Variants in DOCK7 observed in about 807,000 individuals in gnomAD.
DOCK7 encodes dedicator of cytokinesis protein 7.
DOCK7 carries 138 observed loss-of-function variants against 271.0 expected under a neutral mutation model. The observed-to-expected ratio is 0.51, with a 90% CI of 0.44 to 0.59. DOCK7 has a LOEUF of 0.59. Among genes scored for constraint, DOCK7 ranks in the 20% least tolerant of loss-of-function variants. The pLI, the probability that DOCK7 is intolerant of heterozygous loss-of-function variation, is 0.00. For missense variants in DOCK7, 2,066 were observed against 2,592.4 expected (o/e 0.80, Z 4.41); for synonymous variants, 823 against 876.1 (o/e 0.94, Z 1.07).
chr1:62,612,167 CA>C (rs1024921913), intron 14 of DOCK7, among the ~76,000 whole-genome samples: 1 of 151,752 alleles, frequency 6.6e-6, no homozygotes, highest in Non-Finnish European at 1.5e-5. Context: ...CACAAACACA[CA>C]AAAAAGTCCT....
intron 43 of DOCK7, chr1:62,481,761 A>T (rs1207040493): frequency 6.6e-6 from 1 of 152,140 alleles, no homozygotes; most frequent in African/African-American, 2.4e-5. Flanking sequence ...AATGGTTCAA[A>T]CCTCTTATGA....
At chr1:62,575,221 C>G (rs969469782) in intron 18 of DOCK7, among the ~76,000 whole-genome samples, 1 of 152,012 alleles carries the variant, frequency 6.6e-6, no homozygotes, top group Admixed American at 6.6e-5. Flanking sequence ...AATGAAAAAG[C>G]AAAAATGTCA....
chr1:62,633,539 C>T lies in DOCK7; in HGVS notation c.1075G>A (p.Ala359Thr). The T allele has an allele frequency of 6.2e-7, 1 of 1,613,398 alleles. No homozygotes were observed. The highest frequency in any genetic ancestry group is 8.5e-7 in the Non-Finnish European group (1 of 1,179,686). The change falls in exon 10 of 50, where the codon GCA becomes ACA. Residue 359 changes from alanine (A) to threonine (T), a missense_variant. Physicochemically the swap from Ala to Thr is moderately conservative, Grantham distance 58. This residue lies in a region of DOCK7 where 1,414 missense variants were observed against 1,670.4 expected (regional missense o/e 0.85). Transcript: ENST00000635253. ...TCTTTGAAAATCATATATGGTTCTG[C>T]ACACTCTCCAATGTCTCCTTGCTGT... Reference protein sequence around the residue: ...VLQQGDIGECAEPYMIFKEAD... With the variant: ...VLQQGDIGECTEPYMIFKEAD...
In DOCK7 at chr1:62,510,597, T is replaced by C; in HGVS notation, c.4359A>G (p.Gln1453=). ...ATTACTTGTCAAGCTTCTCTGTGTT[T>C]TGACGCCAGTGAGTCATATCTTTCC... ...RWRKDMTHWR[Q]NTEKLDKSRA... Residue 1453 remains glutamine (Q), a synonymous_variant, in exon 34 of 50, where the codon CAA becomes CAG. Transcript: ENST00000635253. The C allele has an allele frequency of 1.9e-6, 3 of 1,613,414 alleles. No homozygotes were observed. The highest frequency in any genetic ancestry group is 2.5e-6 in the Non-Finnish European group (3 of 1,179,600).
chr1:62,554,404 G>A (rs1571523450), intron 21 of DOCK7, among the ~76,000 whole-genome samples: 4 of 145,002 alleles, frequency 2.8e-5, no homozygotes, highest in South Asian at 2.2e-4. Context: ...CCCGGGAAGC[G>A]GAGCTTGCAG....
chr1:62,686,948 T>G (rs949682848), intron 1 of DOCK7, among the ~76,000 whole-genome samples: 12 of 151,940 alleles, frequency 7.9e-5, no homozygotes, highest in Admixed American at 2.0e-4. Context: ...CTGGCTAATT[T>G]TTTTGCAGAG....
chr1:62,556,094 C>CTTTGCATACTTTA lies in DOCK7; in HGVS notation c.2432-106_2432-105insTAAAGTATGCAAA. On this transcript the variant is annotated intron_variant, in intron 20 of 49. Transcript: ENST00000635253. Reference sequence around the variant, plus strand: ...TCTTTGCATACTTTAAGTATAGTGACTACACAGTAAGTGTATAAAGATGAT... The same window carrying CTTTGCATACTTTA: ...TCTTTGCATACTTTAAGTATAGTGACTTTGCATACTTTATACACAGTAAGTGTATAAAGATGAT... The CTTTGCATACTTTA allele has an allele frequency of 1.1e-5, 12 of 1,127,150 alleles. No individual in the cohort carries two copies. In the South Asian group the frequency reaches 1.6e-4, roughly 15 times the overall value. 69.8% of individuals were successfully genotyped at this position (1,127,150 alleles called of 1,614,324 possible). A position where few individuals can be genotyped will look rare whatever the true frequency, so the allele number is the denominator to read the frequency against.
intron 40 of DOCK7, 47 bp from the exon 41 acceptor site, chr1:62,492,894 G>T: frequency 1.3e-6 from 2 of 1,491,762 alleles, no homozygotes; most frequent in Non-Finnish European, 1.8e-6. Context: ...GAATTTTCTA[G>T]CATAAAAATG....
intron 31 of DOCK7, among the ~76,000 whole-genome samples, chr1:62,527,220 A>T (rs543130393): frequency 6.6e-6 from 1 of 152,290 alleles, no homozygotes; most frequent in African/African-American, 2.4e-5. Context: ...TTAAGAGGGG[A>T]AAAGTTCAGG....
intron 18 of DOCK7, among the ~76,000 whole-genome samples, chr1:62,568,333 C>T (rs1377092108): frequency 2.0e-5 from 3 of 150,460 alleles, no homozygotes; most frequent in African/African-American, 7.3e-5. Context: ...GACAGAGTCT[C>T]GCTGTCACCT....
At chr1:62,455,650 TAC>T (rs1369894361) in intron 49 of DOCK7, among the ~76,000 whole-genome samples, 194 bp from the exon 50 acceptor site, 1 of 152,218 alleles carries the variant, frequency 6.6e-6, no homozygotes, top group Non-Finnish European at 1.5e-5. Context: ...AGAAGTGTAT[TAC>T]AGTCACCACT....
intron 2 of DOCK7, among the ~76,000 whole-genome samples, chr1:62,655,984 A>T (rs1314928995): frequency 1.3e-5 from 2 of 152,066 alleles, no homozygotes; most frequent in Admixed American, 1.3e-4. Flanking sequence ...GAGCTCTAAA[A>T]TTTTTTCTAT....
At chr1:62,527,574 C>T (rs938742498) in intron 31 of DOCK7, among the ~76,000 whole-genome samples, 2 of 151,784 alleles carry the variant, frequency 1.3e-5, no homozygotes, top group Non-Finnish European at 2.9e-5. Context: ...GGGACATGGA[C>T]GTAGGGACAT....
At position 62,619,996 on chromosome 1, in the gene DOCK7, G is replaced by A. The variant is rs762252282; in HGVS notation, c.1426-3C>T. ...TCATCACTTAAGCGGTCTCCTTCCT[G>A]ATTTCAATAATAGAGGAAAAAGTAT... On this transcript the variant is annotated splice_region_variant and splice_polypyrimidine_tract_variant and intron_variant, in intron 12 of 49. Coordinates refer to ENST00000635253, the MANE Select transcript of DOCK7 (RefSeq NM_001367561.1). The A allele has an allele frequency of 6.2e-7, 1 of 1,607,908 alleles. No individual in the cohort carries two copies. The highest frequency in any genetic ancestry group is 1.1e-5 in the South Asian group (1 of 90,458).
At chr1:62,621,571 TC>T (rs2149594138) in intron 12 of DOCK7, among the ~76,000 whole-genome samples, 1 of 152,286 alleles carries the variant, frequency 6.6e-6, no homozygotes, top group South Asian at 2.1e-4. Context: ...ATCATTATAT[TC>T]TAAACAAGGA....
chr1:62,474,964 C>G (rs1645928774), intron 47 of DOCK7, among the ~76,000 whole-genome samples: 1 of 152,140 alleles, frequency 6.6e-6, no homozygotes, highest in Admixed American at 6.6e-5. Flanking sequence ...CAAATATGTA[C>G]ATAGCTCTGA....
At chr1:62,597,382 T>C in intron 14 of DOCK7, 1 of 580,264 alleles carries the variant, frequency 1.7e-6, no homozygotes, top group Non-Finnish European at 3.0e-6. Context: ...CATTTAGCAT[T>C]GATCTAACTC....
intron 14 of DOCK7, chr1:62,602,326 C>G (rs750916252): frequency 6.2e-7 from 1 of 1,610,818 alleles, no homozygotes; most frequent in South Asian, 1.1e-5. Context: ...AGATGGATCA[C>G]AAAACTTCAA....
intron 22 of DOCK7, among the ~76,000 whole-genome samples, chr1:62,549,318 C>T (rs1645815810): frequency 6.6e-6 from 1 of 152,052 alleles, no homozygotes; most frequent in East Asian, 1.9e-4. Flanking sequence ...GTGCTGGTGA[C>T]ACTAACAAGG....
Sources: allele counts gnomAD v4.1 joint callset (sites outside exome capture counted in the v4.1 genomes callset), GRCh38; gene constraint gnomAD v4.1.1; regional missense constraint gnomAD v4.1.1; transcripts MANE v1.5; gene names NCBI Gene and HGNC (gene_info 2026-07-23, HGNC 2026-07-21).